SGCD: variants seen among roughly 807,000 people sequenced by gnomAD.
SGCD encodes the protein delta-sarcoglycan.
A neutral mutation model predicts 36.6 loss-of-function variants in SGCD; 18 were observed. The ratio of observed to expected loss-of-function variants is 0.49; its 90% CI spans 0.34 to 0.73. SGCD has a LOEUF of 0.73. SGCD is among the 30% of genes least tolerant of loss of function. SGCD has a pLI of 0.01. For missense variants in SGCD, 387 were observed against 346.7 expected (o/e 1.12, Z -0.92); for synonymous variants, 133 against 130.6 (o/e 1.02, Z -0.12).
chr5:156,153,731 G>A (rs1762882090), intron 3 of SGCD, among the ~76,000 whole-genome samples: 1 of 151,540 alleles, frequency 6.6e-6, no homozygotes, highest in Non-Finnish European at 1.5e-5. Flanking sequence ...CTAGGGTGAT[G>A]GTCCTTGATG....
At chr5:156,758,426 CTATT>C (rs1188675665) in intron 8 of SGCD, among the ~76,000 whole-genome samples, 2 of 151,398 alleles carry the variant, frequency 1.3e-5, no homozygotes, top group Admixed American at 1.3e-4. Flanking sequence ...TTCCACCTGA[CTATT>C]CAATGAGAGA....
intron 1 of SGCD, among the ~76,000 whole-genome samples, chr5:155,895,783 T>G (rs1756237906): frequency 6.6e-6 from 1 of 152,154 alleles, no homozygotes; most frequent in African/African-American, 2.4e-5. Context: ...CCCTTTCGGC[T>G]TTTATACAGC....
intron 4 of SGCD, among the ~76,000 whole-genome samples, chr5:156,584,144 T>C (rs1004579929): frequency 1.3e-5 from 2 of 152,192 alleles, no homozygotes; most frequent in Non-Finnish European, 2.9e-5. Flanking sequence ...CCCTTAAGCA[T>C]CAAACTCCAA....
At chr5:156,565,694 C>T (rs1388055361) in intron 4 of SGCD, among the ~76,000 whole-genome samples, 2 of 152,114 alleles carry the variant, frequency 1.3e-5, no homozygotes, top group Admixed American at 6.6e-5. Flanking sequence ...TATCCCTCCC[C>T]TAGCCCCCCA....
the SGCD span, among the ~76,000 whole-genome samples, chr5:155,764,345 T>G: frequency 6.6e-6 from 1 of 152,200 alleles, no homozygotes; most frequent in African/African-American, 2.4e-5. Context: ...ACATAGTGCC[T>G]TTTGACAAGC....
At chr5:156,444,064 T>TCTCTC (rs1491385216) in intron 3 of SGCD, among the ~76,000 whole-genome samples, 2 of 34,486 alleles carry the variant, frequency 5.8e-5, no homozygotes, top group African/African-American at 2.0e-4. Context: ...CTTTCTCTCC[T>TCTCTC]TCTCTCTCTC....
At chr5:156,375,557 G>A (rs1293670576) in intron 3 of SGCD, among the ~76,000 whole-genome samples, 1 of 152,138 alleles carries the variant, frequency 6.6e-6, no homozygotes, top group African/African-American at 2.4e-5. Context: ...GCTGTGCTGT[G>A]TGATCATTTC....
intron 3 of SGCD, among the ~76,000 whole-genome samples, chr5:156,156,998 A>T (rs752458443): frequency 1.3e-5 from 2 of 151,668 alleles, no homozygotes; most frequent in Non-Finnish European, 2.9e-5. Flanking sequence ...AAGCAGGCTC[A>T]AAGATTTATT....
chr5:156,605,028 CT>C (rs1270311329), intron 6 of SGCD, among the ~76,000 whole-genome samples: 8 of 149,348 alleles, frequency 5.4e-5, no homozygotes, highest in South Asian at 2.1e-4. Flanking sequence ...GAATTTACTT[CT>C]TTTTTTTTCT....
chr5:155,924,864 G>A (rs1296943675), intron 1 of SGCD, among the ~76,000 whole-genome samples: 1 of 152,144 alleles, frequency 6.6e-6, no homozygotes, highest in Non-Finnish European at 1.5e-5. Flanking sequence ...GTAAAATGCT[G>A]TTTGTGTCAT....
At chr5:156,437,953 A>T (rs900507677) in intron 3 of SGCD, among the ~76,000 whole-genome samples, 18 of 152,180 alleles carry the variant, frequency 1.2e-4, no homozygotes, top group Non-Finnish European at 4.4e-5. Flanking sequence ...AAGCTGTGAG[A>T]ATCCTTGAAG....
chr5:156,305,648 C>T (rs1419594146), intron 3 of SGCD, among the ~76,000 whole-genome samples: 1 of 152,152 alleles, frequency 6.6e-6, no homozygotes, highest in Non-Finnish European at 1.5e-5. Flanking sequence ...CCGTCATCCT[C>T]CAGACCCCAG....
chr5:156,114,364 G>C (rs1761860828), intron 1 of SGCD, among the ~76,000 whole-genome samples: 2 of 152,050 alleles, frequency 1.3e-5, no homozygotes, highest in African/African-American at 4.8e-5. Flanking sequence ...CTCCATCACA[G>C]GTACCCTCAC....
chr5:155,940,501 A>G (rs140310456), intron 1 of SGCD, among the ~76,000 whole-genome samples: 201 of 152,310 alleles, frequency 1.3e-3, no homozygotes, highest in African/African-American at 3.9e-3. Context: ...ATTTGGGCTG[A>G]TTTGAAGATT....
chr5:155,749,390 G>C, the SGCD span, among the ~76,000 whole-genome samples: 1 of 152,182 alleles, frequency 6.6e-6, no homozygotes, highest in East Asian at 1.9e-4. Context: ...AGAACTATCA[G>C]ATTACTTCTC....
At chr5:156,484,567 T>A (rs1257591149) in intron 3 of SGCD, among the ~76,000 whole-genome samples, 2 of 152,244 alleles carry the variant, frequency 1.3e-5, no homozygotes, top group Non-Finnish European at 2.9e-5. Context: ...ATTATATAAT[T>A]GCTTGTTAAA....
At chr5:156,655,937 G>C (rs900441180) in intron 7 of SGCD, among the ~76,000 whole-genome samples, 7 of 152,028 alleles carry the variant, frequency 4.6e-5, no homozygotes, top group African/African-American at 1.4e-4. Flanking sequence ...AGGAACAGAG[G>C]CTTCCTTTGA....
chr5:156,673,588 G>T (rs1430203822), intron 7 of SGCD, among the ~76,000 whole-genome samples: 5 of 151,970 alleles, frequency 3.3e-5, no homozygotes, highest in Non-Finnish European at 7.4e-5. Context: ...AATTTTCCTT[G>T]CCTGGCATCT....
At chr5:156,743,908 G>T (rs1016615810) in intron 7 of SGCD, among the ~76,000 whole-genome samples, 1 of 150,176 alleles carries the variant, frequency 6.7e-6, no homozygotes, top group African/African-American at 2.4e-5. Context: ...AGAAGATTAT[G>T]TTCCTTCTTC....
Sources: allele counts gnomAD v4.1 joint callset (sites outside exome capture counted in the v4.1 genomes callset), GRCh38; gene constraint gnomAD v4.1.1; transcripts MANE v1.5; gene names NCBI Gene and HGNC (gene_info 2026-07-23, HGNC 2026-07-21).